Variants in FHIT observed in about 807,000 individuals in gnomAD.
FHIT encodes the protein fragile histidine triad diadenosine triphosphatase, also known as bis(5'-adenosyl)-triphosphatase.
Under a neutral mutation model 17.9 loss-of-function variants are expected in FHIT, and 19 were observed. That is an observed-to-expected ratio of 1.06 (90% CI 0.74 to 1.56). The LOEUF (loss-of-function observed/expected upper bound fraction) is 1.56, where lower values mean the gene tolerates loss of function less well. Ranked by LOEUF, FHIT falls within the 40% of genes most tolerant of loss-of-function variation. FHIT has a pLI of 0.00. For missense variants in FHIT, 248 were observed against 189.2 expected (o/e 1.31, Z -1.82); for synonymous variants, 81 against 69.7 (o/e 1.16, Z -0.81).
intron 4 of FHIT, among the ~76,000 whole-genome samples, chr3:60,546,740 T>C (rs2036379354): frequency 6.6e-6 from 1 of 152,164 alleles, no homozygotes; most frequent in Non-Finnish European, 1.5e-5. Context: ...GCCACTCTCT[T>C]CCTGATCTTC....
At chr3:61,108,129 T>A (rs1172247312) in intron 2 of FHIT, among the ~76,000 whole-genome samples, 1 of 152,316 alleles carries the variant, frequency 6.6e-6, no homozygotes, top group South Asian at 2.1e-4. Context: ...ATATTAAGCA[T>A]TTTTTTCATA....
chr3:60,232,230 C>A (rs1704534603), intron 5 of FHIT, among the ~76,000 whole-genome samples: 1 of 152,172 alleles, frequency 6.6e-6, no homozygotes, highest in East Asian at 1.9e-4. Flanking sequence ...GGTCACTCTA[C>A]ACATGGTAGG....
chr3:60,485,720 G>A (rs2033809514), intron 5 of FHIT, among the ~76,000 whole-genome samples: 1 of 152,008 alleles, frequency 6.6e-6, no homozygotes, highest in Non-Finnish European at 1.5e-5. Flanking sequence ...CATGGCACAC[G>A]TATACCTATG....
chr3:59,995,050 G>C (rs1699450039), intron 7 of FHIT, among the ~76,000 whole-genome samples: 1 of 151,980 alleles, frequency 6.6e-6, no homozygotes, highest in Non-Finnish European at 1.5e-5. Flanking sequence ...CTCCAACTTA[G>C]CTAGGGAAAC....
intron 5 of FHIT, among the ~76,000 whole-genome samples, chr3:60,364,057 G>A (rs1201210566): frequency 2.0e-5 from 3 of 152,114 alleles, no homozygotes; most frequent in Admixed American, 2.0e-4. Flanking sequence ...TGGTTTCCCT[G>A]CACCCAGCCC....
At chr3:59,955,378 C>T (rs1025634185) in intron 7 of FHIT, among the ~76,000 whole-genome samples, 1 of 152,166 alleles carries the variant, frequency 6.6e-6, no homozygotes, top group African/African-American at 2.4e-5. Context: ...CCTCTTCTAT[C>T]CAATTTCTAA....
intron 5 of FHIT, among the ~76,000 whole-genome samples, chr3:60,172,463 A>T (rs1256057290): frequency 2.0e-5 from 3 of 150,252 alleles, no homozygotes; most frequent in African/African-American, 4.9e-5. Context: ...TTTAGTAGAC[A>T]TGGAGTTTCT....
chr3:60,142,368 T>C (rs1367957011), intron 5 of FHIT, among the ~76,000 whole-genome samples: 1 of 152,236 alleles, frequency 6.6e-6, no homozygotes, highest in African/African-American at 2.4e-5. Flanking sequence ...TGCTAACTAC[T>C]ACTATATTAT....
chr3:60,375,127 A>T (rs1249667060), intron 5 of FHIT, among the ~76,000 whole-genome samples: 1 of 151,946 alleles, frequency 6.6e-6, no homozygotes, highest in African/African-American at 2.4e-5. Flanking sequence ...CAAAAACAAA[A>T]AACAAAAAAA....
intron 2 of FHIT, among the ~76,000 whole-genome samples, chr3:61,119,903 C>G (rs140245308): frequency 0.015 from 2,315 of 152,300 alleles, 53 homozygotes; most frequent in African/African-American, 0.053. Context: ...GAGACTATAC[C>G]GCCAGCTTTT....
rs184448852 is a variant in FHIT at position 61,131,603 on chromosome 3, G to A, written c.-164+69014C>T. Among the ~76,000 whole-genome samples, 916 of 152,340 alleles carry A rather than the reference G, an allele frequency of 6.0e-3. 7 individuals are homozygous for A. The highest frequency in any genetic ancestry group is 0.01 in the Non-Finnish European group (704 of 68,030). On this transcript the variant is annotated intron_variant, in intron 2 of 9. Coordinates refer to ENST00000492590, the MANE Select transcript of FHIT (RefSeq NM_002012.4). ...GTACATAGCAGTCTTGTCAAGCTTG[G>A]AGAGTAGTGGCCCACTCTTGGCCCC...
At chr3:60,311,609 G>A (rs1385931685) in intron 5 of FHIT, among the ~76,000 whole-genome samples, 1 of 152,188 alleles carries the variant, frequency 6.6e-6, no homozygotes, top group Non-Finnish European at 1.5e-5. Flanking sequence ...AAAGCTTACA[G>A]TTGTATTTTG....
At chr3:60,437,172 C>CACTGTT (rs2030345700) in intron 5 of FHIT, among the ~76,000 whole-genome samples, 1 of 152,084 alleles carries the variant, frequency 6.6e-6, no homozygotes, top group South Asian at 2.1e-4. Context: ...AAAAACCCAT[C>CACTGTT]ACTGATGTTC....
At chr3:60,980,815 C>A (rs970182963) in intron 3 of FHIT, among the ~76,000 whole-genome samples, 1 of 152,154 alleles carries the variant, frequency 6.6e-6, no homozygotes, top group African/African-American at 2.4e-5. Flanking sequence ...TGAATTTCAA[C>A]CTTTCTGAGC....
At chr3:60,458,703 A>G (rs924564269) in intron 5 of FHIT, among the ~76,000 whole-genome samples, 5 of 152,100 alleles carry the variant, frequency 3.3e-5, no homozygotes, top group African/African-American at 1.2e-4. Context: ...CCAACTCTAG[A>G]TGTCAAAAGC....
chr3:60,159,974 G>C (rs1443409075), intron 5 of FHIT, among the ~76,000 whole-genome samples: 1 of 152,110 alleles, frequency 6.6e-6, no homozygotes, highest in African/African-American at 2.4e-5. Context: ...ATACAAACAA[G>C]GCAGTAAAAA....
At chr3:60,130,122 G>C (rs78393261) in intron 5 of FHIT, among the ~76,000 whole-genome samples, 2 of 152,096 alleles carry the variant, frequency 1.3e-5, no homozygotes, top group Non-Finnish European at 2.9e-5. Flanking sequence ...CCGGAAAAAA[G>C]TGAAAAGGAA....
chr3:60,853,566 CA>C (rs1179648408), intron 3 of FHIT, among the ~76,000 whole-genome samples: 3 of 152,184 alleles, frequency 2.0e-5, no homozygotes, highest in East Asian at 1.9e-4. Flanking sequence ...AAATATAAAG[CA>C]AGGTCGTCTC....
At chr3:60,227,165 A>G (rs186963511) in intron 5 of FHIT, among the ~76,000 whole-genome samples, 32 of 152,238 alleles carry the variant, frequency 2.1e-4, no homozygotes, top group Admixed American at 1.0e-3. Context: ...ATGAGCTGTG[A>G]CCACCGGTGA....
Sources: allele counts gnomAD v4.1 joint callset (sites outside exome capture counted in the v4.1 genomes callset), GRCh38; gene constraint gnomAD v4.1.1; transcripts MANE v1.5; gene names NCBI Gene and HGNC (gene_info 2026-07-23, HGNC 2026-07-21).